The following HDAC9 variants were observed in gnomAD, a reference collection of about 807,000 sequenced individuals.
HDAC9 encodes the protein MEF-2 interacting transcription repressor (MITR) protein.
In HDAC9, 41 loss-of-function variants were observed where a neutral mutation model predicts 139.4. The observed-to-expected ratio is 0.29, with a 90% CI of 0.23 to 0.38. The LOEUF is 0.38. Ranked by LOEUF, HDAC9 falls within the 10% of genes least tolerant of loss-of-function variation. HDAC9 has a pLI of 1.00. For missense variants in HDAC9, 1,147 were observed against 1,297.0 expected (o/e 0.88, Z 1.78); for synonymous variants, 517 against 476.2 (o/e 1.09, Z -1.12).
chr7:18,735,598 C>A (rs185173959), intron 13 of HDAC9, among the ~76,000 whole-genome samples: 6 of 152,144 alleles, frequency 3.9e-5, no homozygotes, highest in Non-Finnish European at 7.3e-5. Context: ...GTCTACATAA[C>A]TGTTTTGGTA....
At chr7:18,573,831 C>T (rs1825092409) in intron 2 of HDAC9, among the ~76,000 whole-genome samples, 1 of 152,138 alleles carries the variant, frequency 6.6e-6, no homozygotes, top group Non-Finnish European at 1.5e-5. Context: ...CCACTGAACC[C>T]CAAAGAGAGT....
intron 13 of HDAC9, among the ~76,000 whole-genome samples, chr7:18,732,069 A>C (rs1584931916): frequency 6.6e-6 from 1 of 152,192 alleles, no homozygotes; most frequent in East Asian, 1.9e-4. Context: ...TATGTTGGTC[A>C]GGTTGGTCTC....
At chr7:18,914,866 G>A (rs1259868499) in intron 22 of HDAC9, among the ~76,000 whole-genome samples, 1 of 152,030 alleles carries the variant, frequency 6.6e-6, no homozygotes, top group Non-Finnish European at 1.5e-5. Context: ...AATTGGTATA[G>A]CAGTATTTGG....
chr7:18,419,608 A>T (rs940485202), intron 1 of HDAC9, among the ~76,000 whole-genome samples: 22 of 152,206 alleles, frequency 1.4e-4, no homozygotes, highest in Non-Finnish European at 2.9e-4. Flanking sequence ...TCCGGTTATT[A>T]TACAGAACTC....
chr7:18,363,807 T>C (rs1406493575), intron 1 of HDAC9, among the ~76,000 whole-genome samples: 1 of 152,142 alleles, frequency 6.6e-6, no homozygotes, highest in East Asian at 1.9e-4. Flanking sequence ...ATCTCAATTT[T>C]TTTATACAAA....
intron 2 of HDAC9, among the ~76,000 whole-genome samples, chr7:18,258,534 T>C (rs990251165): frequency 6.6e-6 from 1 of 152,158 alleles, no homozygotes; most frequent in Admixed American, 6.5e-5. Flanking sequence ...GGCAATTTAG[T>C]TGTAAACAAG....
chr7:18,642,429 T>C (rs975176577), intron 8 of HDAC9, among the ~76,000 whole-genome samples: 1 of 152,104 alleles, frequency 6.6e-6, no homozygotes, highest in Non-Finnish European at 1.5e-5. Context: ...GCAGCAGCTG[T>C]CAACAAATCT....
At chr7:18,623,372 A>G (rs1362469559) in intron 6 of HDAC9, among the ~76,000 whole-genome samples, 2 of 152,222 alleles carry the variant, frequency 1.3e-5, no homozygotes, top group African/African-American at 2.4e-5. Context: ...GGTGTTTTCA[A>G]ACATTACACT....
chr7:18,958,473 A>G (rs1783311298), intron 24 of HDAC9, among the ~76,000 whole-genome samples: 1 of 152,192 alleles, frequency 6.6e-6, no homozygotes, highest in Non-Finnish European at 1.5e-5. Flanking sequence ...CTGAGTGTCC[A>G]TCAGTGGATG....
chr7:18,229,630 C>T (rs1045829895), intron 2 of HDAC9, among the ~76,000 whole-genome samples: 1 of 152,100 alleles, frequency 6.6e-6, no homozygotes, highest in Non-Finnish European at 1.5e-5. Context: ...AAAGAACTGG[C>T]TAGGTGTCCA....
chr7:18,533,073 C>CA (rs879931568), intron 2 of HDAC9, among the ~76,000 whole-genome samples: 1 of 152,160 alleles, frequency 6.6e-6, no homozygotes, highest in African/African-American at 2.4e-5. Flanking sequence ...ATGTTTACTG[C>CA]TGAACCAAGT....
At chr7:18,161,024 A>G (rs1030830748) in intron 1 of HDAC9, among the ~76,000 whole-genome samples, 1 of 152,210 alleles carries the variant, frequency 6.6e-6, no homozygotes, top group African/African-American at 2.4e-5. Flanking sequence ...TCTCATTGAC[A>G]CAGAAATCAA....
At chr7:18,414,944 G>C (rs1391832622) in intron 1 of HDAC9, among the ~76,000 whole-genome samples, 5 of 151,932 alleles carry the variant, frequency 3.3e-5, no homozygotes, top group African/African-American at 1.2e-4. Flanking sequence ...TCTGCTTTCC[G>C]TGGCTTCCTA....
At chr7:18,795,284 A>AAAAAAAAAAAAAAAAAAAAAAAAC (rs1792699348) in intron 17 of HDAC9, among the ~76,000 whole-genome samples, 1 of 121,032 alleles carries the variant, frequency 8.3e-6, no homozygotes, top group Admixed American at 8.3e-5. Context: ...AAAAAAAAAA[A>AAAAAAAAAAAAAAAAAAAAAAAAC]AGAAAAGCCA....
chr7:18,907,237 T>G (rs917886126), intron 22 of HDAC9, among the ~76,000 whole-genome samples: 5 of 152,134 alleles, frequency 3.3e-5, no homozygotes, highest in African/African-American at 1.2e-4. Context: ...TTTAGCTCAA[T>G]GTAGAAGAGA....
chr7:18,202,513 T>C (rs1187210828), intron 2 of HDAC9, among the ~76,000 whole-genome samples: 1 of 152,212 alleles, frequency 6.6e-6, no homozygotes, highest in Non-Finnish European at 1.5e-5. Flanking sequence ...CTTTACTGTT[T>C]TTATGCTTGC....
intron 12 of HDAC9, among the ~76,000 whole-genome samples, chr7:18,677,496 A>C (rs951722704): frequency 1.3e-5 from 2 of 151,970 alleles, no homozygotes; most frequent in African/African-American, 4.8e-5. Context: ...TTGAGTAATT[A>C]CTTAGGAGTG....
intron 25 of HDAC9, among the ~76,000 whole-genome samples, chr7:18,993,316 C>T (rs932730430): frequency 2.6e-5 from 4 of 152,092 alleles, no homozygotes; most frequent in South Asian, 2.1e-4. Context: ...TTCTCATAAC[C>T]GTGAGGGCAA....
chr7:18,240,043 A>G (rs968676925), intron 2 of HDAC9, among the ~76,000 whole-genome samples: 1 of 149,958 alleles, frequency 6.7e-6, no homozygotes, highest in African/African-American at 2.5e-5. Flanking sequence ...AGTCGGTCTC[A>G]TCTCCTTAAC....
Sources: allele counts gnomAD v4.1 joint callset (sites outside exome capture counted in the v4.1 genomes callset), GRCh38; gene constraint gnomAD v4.1.1; transcripts MANE v1.5; gene names NCBI Gene and HGNC (gene_info 2026-07-23, HGNC 2026-07-21).